BRCA2: variants seen among roughly 807,000 people sequenced by gnomAD.
BRCA2 encodes the protein breast cancer type 2 susceptibility protein.
A neutral mutation model predicts 276.7 loss-of-function variants in BRCA2; 203 were observed. That is an observed-to-expected ratio of 0.73 (90% CI 0.65 to 0.82). The LOEUF is 0.82. BRCA2 is among the 40% of genes least tolerant of loss of function. The pLI, the probability that BRCA2 is intolerant of heterozygous loss-of-function variation, is 0.00. For synonymous variants in BRCA2, 1,289 were observed against 1,338.4 expected (o/e 0.96, Z 0.81); for missense variants, 3,920 against 3,915.0 (o/e 1.00, Z -0.03).
chr13:32,367,556 T>A (rs2072792711), intron 18 of BRCA2, among the ~76,000 whole-genome samples: 1 of 140,012 alleles, frequency 7.1e-6, no homozygotes, highest in South Asian at 2.3e-4. Context: ...GTAATTGCAG[T>A]ACTTTGGGAG....
chr13:32,353,595 T>G (rs1370082099), intron 13 of BRCA2, among the ~76,000 whole-genome samples: 7 of 152,204 alleles, frequency 4.6e-5, no homozygotes, highest in Middle Eastern at 3.2e-3. Flanking sequence ...CCAATCGACA[T>G]ATTTGTTTGT....
chr13:32,350,383 T>A (rs556385653), intron 13 of BRCA2, among the ~76,000 whole-genome samples: 12 of 152,284 alleles, frequency 7.9e-5, no homozygotes, highest in Admixed American at 2.6e-4. Flanking sequence ...AGTAAGTACA[T>A]AGAAAATAAG....
rs544085369 is a variant in BRCA2 at position 32,372,594 on chromosome 13, A to G, written c.8632+1494A>G. 1.4e-4 allele frequency among the ~76,000 whole-genome samples: 22 copies of G among 152,210 alleles called. No individual in the cohort carries two copies. In the East Asian group the frequency reaches 3.5e-3, roughly 24 times the overall value. ...TGGGGGAAACCACCCCCATGATCCA[A>G]TCACCTCCCACCAGGTCTCTCCCTC... On this transcript the variant is annotated intron_variant, in intron 20 of 26. Transcript: ENST00000380152.
At chr13:32,342,144 G>A (rs1176197123) in intron 11 of BRCA2, among the ~76,000 whole-genome samples, 1 of 151,666 alleles carries the variant, frequency 6.6e-6, no homozygotes, top group Non-Finnish European at 1.5e-5. Flanking sequence ...GTGGTGGCGC[G>A]CACCTATAAT....
chr13:32,394,558 C>A, intron 24 of BRCA2, 131 bp from the exon 25 acceptor site: 1 of 1,184,490 alleles, frequency 8.4e-7, no homozygotes, highest in Non-Finnish European at 1.2e-6. Context: ...TCGCCAAATT[C>A]AGCTATTTTG....
chr13:32,329,741 C>T (rs2072375266), intron 8 of BRCA2, among the ~76,000 whole-genome samples: 2 of 151,930 alleles, frequency 1.3e-5, no homozygotes, highest in Admixed American at 1.3e-4. Context: ...CAATATCCCC[C>T]AGTGAATGCT....
At chr13:32,323,298 A>G (rs1593884956) in intron 3 of BRCA2, among the ~76,000 whole-genome samples, 1 of 151,720 alleles carries the variant, frequency 6.6e-6, no homozygotes, top group South Asian at 2.1e-4. Flanking sequence ...GACTACAGGC[A>G]CCCGCCACCA....
At chr13:32,387,248 A>G (rs923835624) in intron 24 of BRCA2, among the ~76,000 whole-genome samples, 1 of 152,244 alleles carries the variant, frequency 6.6e-6, no homozygotes, top group African/African-American at 2.4e-5. Context: ...TAGTCATAAT[A>G]CAAATTAGAT....
rs773344756 is a variant in BRCA2, at chr13:32,346,781, CT to C, written c.6938-45del. On this transcript the variant is annotated intron_variant, in intron 12 of 26. Coordinates refer to ENST00000380152, the MANE Select transcript of BRCA2 (RefSeq NM_000059.4). ...GTGTATTTACAGTAACATGGATATT[CT>C]CTTAGATTTTAACTAATATGTAATA... is the stretch of plus-strand genomic sequence containing the variant. 1.1e-5 allele frequency: 16 copies of C among 1,478,698 alleles called. No individual in the cohort carries two copies. The highest frequency in any genetic ancestry group is 1.4e-5 in the Non-Finnish European group (15 of 1,077,076). The allele number at this position is 1,478,698 out of a possible 1,614,324, so 91.6% of individuals were successfully genotyped here. A position where few individuals can be genotyped will look rare whatever the true frequency, so the allele number is the denominator to read the frequency against.
At chr13:32,381,731 C>T (rs58187240) in intron 24 of BRCA2, among the ~76,000 whole-genome samples, 8 of 152,206 alleles carry the variant, frequency 5.3e-5, no homozygotes, top group African/African-American at 1.9e-4. Context: ...CAGGTTTTCA[C>T]AGAATCATTC....
rs12869544 is a variant in BRCA2, at chr13:32,328,257, T to C, written c.632-1186T>C. Among the ~76,000 whole-genome samples the C allele has an allele frequency of 0.27, 40,314 of 150,422 alleles. 5,639 individuals are homozygous for C. Among genetic ancestry groups the C allele is most frequent in the East Asian group, 0.4 (2,036 of 5,088 alleles). On this transcript the variant is annotated intron_variant, in intron 7 of 26. Coordinates refer to ENST00000380152, the MANE Select transcript of BRCA2 (RefSeq NM_000059.4). ...TTTTTTCTTTTTCGTTTTTTTTTTT[T>C]TTGAGGCGGAGTCTTGCCCTTTTGC...
Position 32,398,493 on chromosome 13 carries a change from A to C in BRCA2, c.9980A>C (p.Lys3327Thr). 4 of 1,614,174 alleles carry C rather than the reference A, an allele frequency of 2.5e-6. No homozygotes were observed. The highest frequency in any genetic ancestry group is 3.4e-6 in the Non-Finnish European group (4 of 1,180,040). ...LNSPQMTPFK[K>T]FNEISLLESN... Reference sequence around the variant, plus strand: ...TCTCCTCAGATGACTCCATTTAAAAAATTCAATGAAATTTCTCTTTTGGAA... The same window carrying C: ...TCTCCTCAGATGACTCCATTTAAAACATTCAATGAAATTTCTCTTTTGGAA... The change falls in exon 27 of 27, where the codon AAA becomes ACA. Residue 3327 changes from lysine to threonine, a missense_variant. By Grantham distance (78) the Lys-to-Thr change is moderately conservative. Around this residue, in one of 2 missense-constraint regions of BRCA2, gnomAD observed 657 missense variants for 758.2 expected, o/e 0.87. Coordinates refer to ENST00000380152, the MANE Select transcript of BRCA2 (RefSeq NM_000059.4).
At chr13:32,366,683 A>C (rs1332259539) in intron 18 of BRCA2, among the ~76,000 whole-genome samples, 1 of 151,858 alleles carries the variant, frequency 6.6e-6, no homozygotes, top group Non-Finnish European at 1.5e-5. Context: ...TTAGCCAGGC[A>C]TGATGGCATG....
intron 25 of BRCA2, among the ~76,000 whole-genome samples, chr13:32,396,496 C>A (rs537352976): frequency 1.3e-5 from 2 of 152,300 alleles, no homozygotes; most frequent in East Asian, 3.9e-4. Flanking sequence ...GTAGGTGAGG[C>A]AATTCTTTCT....
rs80358656 is a variant in BRCA2, at chr13:32,338,416, C to T, written c.4061C>T (p.Thr1354Met). ...ACTGTTTGTATTCATAAAGATGAAA[C>T]GGACTTGCTATTTACTGATCAGCAC... is the stretch of plus-strand genomic sequence containing the variant. ...NDTVCIHKDETDLLFTDQHNI... is the reference protein window; with the variant it reads ...NDTVCIHKDEMDLLFTDQHNI... Residue 1354 changes from threonine (T) to methionine (M), a missense_variant, in exon 11 of 27, where the codon ACG becomes ATG. By Grantham distance (81) the Thr-to-Met change is moderately conservative (BLOSUM62 -1). Transcript: ENST00000380152. 1.2e-4 allele frequency: 194 copies of T among 1,604,652 alleles called. No individual in the cohort carries two copies. Among genetic ancestry groups the T allele is most frequent in the Middle Eastern group, 6.6e-4 (4 of 6,044 alleles).
At chr13:32,343,902 C>G (rs1324407843) in intron 11 of BRCA2, among the ~76,000 whole-genome samples, 1 of 151,998 alleles carries the variant, frequency 6.6e-6, no homozygotes, top group East Asian at 1.9e-4. Flanking sequence ...GACATTTTTA[C>G]TTATTAAATT....
intron 24 of BRCA2, among the ~76,000 whole-genome samples, chr13:32,382,379 A>G (rs1269096206): frequency 6.6e-6 from 1 of 152,226 alleles, no homozygotes; most frequent in Admixed American, 6.5e-5. Flanking sequence ...GGAAATATAA[A>G]TGTAAATATA....
rs55777417 is a variant in BRCA2, at chr13:32,349,216, C to CA, written c.7007+2343dup. Among the ~76,000 whole-genome samples, 630 of 97,894 alleles carry CA rather than the reference C, an allele frequency of 6.4e-3. 6 individuals are homozygous for CA. The highest frequency in any genetic ancestry group is 7.7e-3 in the Non-Finnish European group (385 of 49,732). The allele number at this position is 97,894 out of a possible 152,430, so 64.2% of individuals were successfully genotyped here. On this transcript the variant is annotated intron_variant, in intron 13 of 26. Transcript: ENST00000380152. ...TGGGTGACAGAGTGAGACTCTGTCT[C>CA]AAAAAAAAAAAAAAAAAAAAAAAGA...
intron 13 of BRCA2, among the ~76,000 whole-genome samples, chr13:32,351,118 C>G (rs2072646952): frequency 6.6e-6 from 1 of 152,226 alleles, no homozygotes; most frequent in African/African-American, 2.4e-5. Flanking sequence ...CCAGCAGCCG[C>G]TCGGCTCCAC....
Sources: allele counts gnomAD v4.1 joint callset (sites outside exome capture counted in the v4.1 genomes callset), GRCh38; gene constraint gnomAD v4.1.1; regional missense constraint gnomAD v4.1.1; transcripts MANE v1.5; gene names NCBI Gene and HGNC (gene_info 2026-07-23, HGNC 2026-07-21).